CRYGB: variants seen among roughly 807,000 people sequenced by gnomAD.
CRYGB encodes the protein gamma-crystallin B.
In CRYGB, 19 loss-of-function variants were observed where a neutral mutation model predicts 21.3. The ratio of observed to expected loss-of-function variants is 0.89; its 90% confidence interval spans 0.62 to 1.31. CRYGB has a LOEUF of 1.31. CRYGB is among the 50% of genes most tolerant of loss of function. The probability of loss-of-function intolerance (pLI) is 0.00; values close to 1 mark genes in which losing one functional copy is unlikely to be tolerated. For missense variants in CRYGB, 254 were observed against 228.4 expected (o/e 1.11, Z -0.72); for synonymous variants, 81 against 81.2 (o/e 1.00, Z 0.01).
rs114522458 is a variant in CRYGB at position 208,144,919 on chromosome 2, C to T, written c.252+855G>A. Among the ~76,000 whole-genome samples, 1,085 of 152,234 alleles carry T rather than the reference C, an allele frequency of 7.1e-3. 17 individuals carry two copies. Among genetic ancestry groups the T allele is most frequent in the African/African-American group, 0.025 (1,033 of 41,534 alleles). On this transcript the variant is annotated intron_variant, in intron 2 of 2. Coordinates refer to ENST00000260988, the MANE Select transcript of CRYGB (RefSeq NM_005210.4). ...TCAACCTATCTGACTTTTAAGCTTCCTTTCTAGCCTCCTGCTCTCAACTTA... is the reference window on the plus strand; with the variant it reads ...TCAACCTATCTGACTTTTAAGCTTCTTTTCTAGCCTCCTGCTCTCAACTTA...
At chr2:208,145,488 A>T (rs1695443568) in intron 2 of CRYGB, among the ~76,000 whole-genome samples, 1 of 152,052 alleles carries the variant, frequency 6.6e-6, no homozygotes. Context: ...CAGGAGTTCG[A>T]GATCAGCCTG....
chr2:208,146,085 G>T, intron 1 of CRYGB, 27 bp downstream of exon 1: 4 of 1,614,224 alleles, frequency 2.5e-6, no homozygotes, highest in Non-Finnish European at 2.5e-6. Context: ...TAGGGCCAAG[G>T]CTGAGCATCC....
rs777247639 is a variant in CRYGB at position 208,142,894 on chromosome 2, A to G, written c.272T>C (p.Met91Thr). 4.4e-6 allele frequency: 7 copies of G among 1,608,064 alleles called. No individual in the cohort carries two copies. The African/African-American group carries it at 8.0e-5, about 18-fold the overall frequency. The part of the protein sequence containing the change: ...LIPPHSGAYR[M>T]KIYDRDELRG... ...CAATTCATCTCTGTCGTAGATCTTC[A>G]TTCTGTAAGCGCCAGAGTGCTGGAG... The change falls in exon 3 of 3, where the codon ATG (methionine) becomes ACG (threonine). Residue 91 changes from methionine (M) to threonine (T), a missense_variant. Coordinates refer to ENST00000260988, the MANE Select transcript of CRYGB (RefSeq NM_005210.4).
intron 2 of CRYGB, among the ~76,000 whole-genome samples, chr2:208,144,389 A>G (rs1163377100): frequency 6.6e-6 from 1 of 150,686 alleles, no homozygotes; most frequent in Non-Finnish European, 1.5e-5. Flanking sequence ...ATGCGCACGC[A>G]CACACACACA....
chr2:208,143,474 A>G lies in CRYGB; in HGVS notation c.253-561T>C, dbSNP rs78255900. ...TTGTGTATTCAGTGGAAAGCTGATC[A>G]AGGGCTCAAAGAACCTTTTGTCTCT... On this transcript the variant is annotated intron_variant, in intron 2 of 2. Coordinates refer to ENST00000260988, the MANE Select transcript of CRYGB (RefSeq NM_005210.4). Among the ~76,000 whole-genome samples the G allele has an allele frequency of 7.3e-4, 109 of 148,418 alleles. 2 individuals carry two copies. The East Asian group carries it at 0.021, about 28-fold the overall frequency.
At position 208,144,387 on chromosome 2, in the gene CRYGB, G is replaced by GCACACACA. The variant is rs34125940; in HGVS notation, c.252+1379_252+1386dup. Among the ~76,000 whole-genome samples the GCACACACA allele has an allele frequency of 4.4e-3, 663 of 150,244 alleles. 4 individuals carry two copies. Among genetic ancestry groups the GCACACACA allele is most frequent in the African/African-American group, 0.015 (628 of 41,000 alleles). On this transcript the variant is annotated intron_variant, in intron 2 of 2. Coordinates refer to ENST00000260988, the MANE Select transcript of CRYGB (RefSeq NM_005210.4). ...TTGGGGTTCACTATTATATGCGCAC[G>GCACACACA]CACACACACACACACATATATGTAT...
chr2:208,144,772 G>C (rs1446463510), intron 2 of CRYGB, among the ~76,000 whole-genome samples: 2 of 151,860 alleles, frequency 1.3e-5, no homozygotes, highest in Non-Finnish European at 2.9e-5. Context: ...TGTATTTTTA[G>C]TAGAGAGGGG....
intron 2 of CRYGB, 26 bp from the exon 3 acceptor site, chr2:208,142,939 G>T: frequency 6.4e-7 from 1 of 1,559,156 alleles, no homozygotes; most frequent in African/African-American, 1.4e-5. Context: ...GAAAACGCAA[G>T]AGTAAACAAA....
chr2:208,142,793 G>A lies in CRYGB; in HGVS notation c.373C>T (p.Leu125Phe). The A allele has an allele frequency of 6.2e-7, 1 of 1,614,156 alleles. No homozygotes were observed. Among genetic ancestry groups the A allele is most frequent in the Non-Finnish European group, 8.5e-7 (1 of 1,180,032 alleles). Residue 125 changes from leucine to phenylalanine, a missense_variant, in exon 3 of 3, where the codon CTC becomes TTC. Transcript: ENST00000260988. ...DRFHLTEIHS[L>F]NVLEGSWILY... ...ATCCAGCTGCCCTCCAGCACATTGA[G>A]GGAGTGAATTTCAGTGAGGTGGAAG... is the stretch of plus-strand genomic sequence containing the variant.
chr2:208,144,353 C>T (rs934630591), intron 2 of CRYGB, among the ~76,000 whole-genome samples: 2 of 151,684 alleles, frequency 1.3e-5, no homozygotes, highest in Admixed American at 6.6e-5. Flanking sequence ...TGAGACCTGT[C>T]TCAGATATTT....
chr2:208,142,584 C>G lies in CRYGB; in HGVS notation c.*54G>C, dbSNP rs1181523638. The G allele has an allele frequency of 6.9e-7, 1 of 1,450,828 alleles. No homozygotes were observed. The highest frequency in any genetic ancestry group is 1.4e-5 in the African/African-American group (1 of 70,282). The allele number at this position is 1,450,828 out of a possible 1,614,324, so 89.9% of individuals were successfully genotyped here. ...CAGGGCTCTACTAGTGCCAGAAACA[C>G]AAGCTAAATATTTTATTAGATTTTA... On this transcript the variant is annotated 3_prime_UTR_variant, in exon 3 of 3. Coordinates refer to ENST00000260988, the MANE Select transcript of CRYGB (RefSeq NM_005210.4).
chr2:208,142,976 A>T, intron 2 of CRYGB, 63 bp from the exon 3 acceptor site: 4 of 1,524,270 alleles, frequency 2.6e-6, no homozygotes, highest in Non-Finnish European at 3.5e-6. Context: ...TTAAAGCTCC[A>T]GTCCCTACAC....
At chr2:208,145,447 G>A (rs1695442366) in intron 2 of CRYGB, among the ~76,000 whole-genome samples, 1 of 152,034 alleles carries the variant, frequency 6.6e-6, no homozygotes, top group Non-Finnish European at 1.5e-5. Flanking sequence ...CCAGCACTTT[G>A]GGAGGCCGAG....
intron 2 of CRYGB, among the ~76,000 whole-genome samples, chr2:208,145,133 G>A (rs1245194795): frequency 1.3e-5 from 2 of 152,112 alleles, no homozygotes; most frequent in African/African-American, 2.4e-5. Flanking sequence ...AATAGGTACT[G>A]ACCATTAAAT....
At chr2:208,144,556 A>G (rs964896756) in intron 2 of CRYGB, among the ~76,000 whole-genome samples, 21 of 150,014 alleles carry the variant, frequency 1.4e-4, no homozygotes, top group Middle Eastern at 3.5e-3. Context: ...GGCATGCACC[A>G]CCACATCTGG....
chr2:208,143,405 C>T (rs1171652419), intron 2 of CRYGB, among the ~76,000 whole-genome samples: 1 of 152,132 alleles, frequency 6.6e-6, no homozygotes, highest in Non-Finnish European at 1.5e-5. Context: ...CTTCCTCTCC[C>T]CTATTGTTTA....
In CRYGB at chr2:208,145,757, G is replaced by C. The variant is rs1198748705; in HGVS notation, c.252+17C>G. On this transcript the variant is annotated intron_variant, in intron 2 of 2. Transcript: ENST00000260988. The stretch of plus-strand genomic sequence containing the variant: ...TATTTCCAAAAAGATGGAAGGCAAA[G>C]ACAGAGCCACACTCACCGGGGGGAT... 1.1e-5 allele frequency: 17 copies of C among 1,590,092 alleles called. No homozygotes were observed. Among genetic ancestry groups the C allele is most frequent in the Non-Finnish European group, 1.5e-5 (17 of 1,165,194 alleles).
Position 208,142,841 on chromosome 2 carries a change from C to T in CRYGB, c.325G>A (p.Asp109Asn), listed in dbSNP as rs748724825. ...AAGCGGTCCTGAACAGAGATACAGT[C>T]GTCTGTGAGCTCTGACATTTGTCCC... Reference protein sequence around the residue: ...LRGQMSELTDDCISVQDRFHL... With the variant: ...LRGQMSELTDNCISVQDRFHL... Residue 109 changes from aspartate to asparagine, a missense_variant, in exon 3 of 3, where the codon GAC (aspartate) becomes AAC (asparagine). Physicochemically the swap from Asp to Asn is conservative, Grantham distance 23. Coordinates refer to ENST00000260988, the MANE Select transcript of CRYGB (RefSeq NM_005210.4). 1.2e-5 allele frequency: 20 copies of T among 1,613,972 alleles called. No individual in the cohort carries two copies. The African/African-American group carries it at 1.3e-4, about 11-fold the overall frequency.
chr2:208,143,039 A>G (rs1268229942), intron 2 of CRYGB, 126 bp from the exon 3 acceptor site: 3 of 1,057,374 alleles, frequency 2.8e-6, no homozygotes, highest in South Asian at 1.8e-5. Context: ...TGCTTCTAGA[A>G]CAACCCTGTT....
Sources: allele counts gnomAD v4.1 joint callset (sites outside exome capture counted in the v4.1 genomes callset), GRCh38; gene constraint gnomAD v4.1.1; transcripts MANE v1.5; gene names NCBI Gene and HGNC (gene_info 2026-07-23, HGNC 2026-07-21).